ALLC: variants seen among roughly 807,000 people sequenced by gnomAD.
ALLC encodes probable inactive allantoicase.
In ALLC, 40 loss-of-function variants were observed where a neutral mutation model predicts 45.0. The observed-to-expected ratio is 0.89, with a 90% CI of 0.69 to 1.16. The LOEUF (loss-of-function observed/expected upper bound fraction) is 1.16. ALLC is among the 50% of genes most tolerant of loss of function. The pLI is 0.00. For synonymous variants in ALLC, 176 were observed against 178.1 expected (o/e 0.99, Z 0.09); for missense variants, 488 against 493.1 (o/e 0.99, Z 0.10).
intron 4 of ALLC, 109 bp from the exon 5 acceptor site, chr2:3,679,760 A>G (rs1369920628): frequency 6.8e-7 from 1 of 1,475,352 alleles, no homozygotes; most frequent in Admixed American, 1.7e-5. Context: ...TCTGTGATGG[A>G]CGGAATGGCC....
At chr2:3,667,182 G>A (rs1666746320) in intron 1 of ALLC, among the ~76,000 whole-genome samples, 1 of 152,136 alleles carries the variant, frequency 6.6e-6, no homozygotes, top group African/African-American at 2.4e-5. Flanking sequence ...CTAAAGGGAG[G>A]TTCCTGAGCC....
In ALLC at chr2:3,678,566, C is replaced by A. The variant is rs1291738128; in HGVS notation, c.172+11C>A. On this transcript the variant is annotated intron_variant, in intron 4 of 11. Coordinates refer to ENST00000252505, the MANE Select transcript of ALLC (RefSeq NM_018436.4). ...GGAAAAGGATTCCAGGTAATAACAA[C>A]GGTTCGTTCATCGAAGTGCAGCTGA... The A allele has an allele frequency of 6.2e-7, 1 of 1,611,532 alleles. No homozygotes were observed. Among genetic ancestry groups the A allele is most frequent in the East Asian group, 2.2e-5 (1 of 44,872 alleles).
At chr2:3,667,850 C>T (rs1047038012) in intron 1 of ALLC, among the ~76,000 whole-genome samples, 2 of 152,214 alleles carry the variant, frequency 1.3e-5, no homozygotes, top group Non-Finnish European at 2.9e-5. Context: ...CCGCAACCTC[C>T]GCCTTCCGGG....
chr2:3,671,067 G>A, intron 1 of ALLC, 29 bp from the exon 2 acceptor site: 1 of 1,445,906 alleles, frequency 6.9e-7, no homozygotes, highest in Non-Finnish European at 9.5e-7. Context: ...CAGCCCCCAA[G>A]GTTGACCGAG....
upstream of ALLC, among the ~76,000 whole-genome samples, chr2:3,657,164 G>A (rs1251490126): frequency 6.6e-6 from 1 of 152,182 alleles, no homozygotes; most frequent in Non-Finnish European, 1.5e-5. Flanking sequence ...GGCCGGGCGA[G>A]CTGAGATCAG....
intron 10 of ALLC, among the ~76,000 whole-genome samples, chr2:3,700,405 A>G (rs1340122407): frequency 6.6e-6 from 1 of 152,168 alleles, no homozygotes; most frequent in African/African-American, 2.4e-5. Context: ...TTTTTATGGT[A>G]TCTTTAATCC....
chr2:3,674,191 T>A, intron 3 of ALLC, 66 bp downstream of exon 3: 1 of 1,191,208 alleles, frequency 8.4e-7, no homozygotes, highest in Non-Finnish European at 1.2e-6. Context: ...GCCTTGTTAT[T>A]AAAATCTCCC....
intron 7 of ALLC, 84 bp downstream of exon 7, chr2:3,683,158 C>T: frequency 1.4e-6 from 2 of 1,411,112 alleles, no homozygotes; most frequent in Non-Finnish European, 1.9e-6. Context: ...ATGACTTGCT[C>T]TTTCCTTCTT....
At chr2:3,701,043 CGT>C (rs1296457858) in intron 10 of ALLC, among the ~76,000 whole-genome samples, 4 of 152,194 alleles carry the variant, frequency 2.6e-5, no homozygotes, top group Non-Finnish European at 5.9e-5. Flanking sequence ...CCCAAATACA[CGT>C]GTGTGGCTGG....
intron 1 of ALLC, among the ~76,000 whole-genome samples, chr2:3,663,440 G>A (rs1358115714): frequency 6.6e-6 from 1 of 152,154 alleles, no homozygotes; most frequent in Non-Finnish European, 1.5e-5. Flanking sequence ...AGGAGGGAGA[G>A]CATCAGTGAT....
At chr2:3,650,504 C>CG in the ALLC span, among the ~76,000 whole-genome samples, 1 of 152,210 alleles carries the variant, frequency 6.6e-6, no homozygotes, top group Non-Finnish European at 1.5e-5. Context: ...CCTGGGCAAG[C>CG]GGGCAGCTGC....
At chr2:3,661,333 G>A (rs1477417563) in intron 1 of ALLC, among the ~76,000 whole-genome samples, 3 of 152,152 alleles carry the variant, frequency 2.0e-5, no homozygotes, top group Non-Finnish European at 4.4e-5. Context: ...CTCAATGCAC[G>A]CAAGCATTTA....
rs145977149 is a variant in ALLC at position 3,665,640 on chromosome 2, A to C, written c.-62-5456A>C. On this transcript the variant is annotated intron_variant, in intron 1 of 11. Transcript: ENST00000252505. Reference sequence around the variant, plus strand: ...TACCCAGGTTCCTGCAAAGGACATGATCTCATTCCTTTTTATGGCTGCATA... The same window carrying C: ...TACCCAGGTTCCTGCAAAGGACATGCTCTCATTCCTTTTTATGGCTGCATA... Among the ~76,000 whole-genome samples, 640 of 152,312 alleles carry C rather than the reference A, an allele frequency of 4.2e-3. 6 individuals are homozygous for C. The highest frequency in any genetic ancestry group is 0.015 in the African/African-American group (621 of 41,568).
chr2:3,675,275 C>G (rs187803035), intron 3 of ALLC, among the ~76,000 whole-genome samples: 1 of 151,668 alleles, frequency 6.6e-6, no homozygotes. Context: ...CTGTAGTCCC[C>G]GCTACTCAGA....
the ALLC span, among the ~76,000 whole-genome samples, chr2:3,651,298 GGGTGGGTGGGTGGGT>G: frequency 6.6e-3 from 7 of 1,054 alleles, 2 homozygotes; most frequent in African/African-American, 0.011. Flanking sequence ...AATTCTTTTT[GGGTGGGTGGGTGGGT>G]GGGGGGGGTG....
At chr2:3,656,115 G>A (rs1473145977), upstream of ALLC, among the ~76,000 whole-genome samples, 1 of 152,266 alleles carries the variant, frequency 6.6e-6, no homozygotes, top group Non-Finnish European at 1.5e-5. Flanking sequence ...CAGGGGCTGC[G>A]CAGGGGTCGG....
At chr2:3,655,219 C>T (rs1215322732), upstream of ALLC, among the ~76,000 whole-genome samples, 4 of 152,234 alleles carry the variant, frequency 2.6e-5, no homozygotes, top group East Asian at 1.9e-4. Context: ...CACAGGCTTC[C>T]GGAACTTCAC....
upstream of ALLC, among the ~76,000 whole-genome samples, chr2:3,655,635 T>C (rs1051055017): frequency 6.6e-6 from 1 of 152,150 alleles, no homozygotes; most frequent in Non-Finnish European, 1.5e-5. Flanking sequence ...AAAAAACTTT[T>C]GTTTTTCAGA....
chr2:3,651,737 T>A, the ALLC span, among the ~76,000 whole-genome samples: 1 of 152,046 alleles, frequency 6.6e-6, no homozygotes, highest in Admixed American at 6.6e-5. Context: ...GCGGGAAACA[T>A]GCCCGGCGTT....
Sources: allele counts gnomAD v4.1 joint callset (sites outside exome capture counted in the v4.1 genomes callset), GRCh38; gene constraint gnomAD v4.1.1; transcripts MANE v1.5; gene names NCBI Gene and HGNC (gene_info 2026-07-23, HGNC 2026-07-21).